AHDC1: variants seen among roughly 807,000 people sequenced by gnomAD.
AHDC1 encodes transcription factor Gibbin.
In AHDC1, 7 loss-of-function variants were observed where a neutral mutation model predicts 87.9. The observed-to-expected ratio is 0.08, with a 90% CI of 0.05 to 0.15. AHDC1 has a LOEUF of 0.15. AHDC1 is among the 10% of genes least tolerant of loss of function. AHDC1 has a pLI of 1.00. For synonymous variants in AHDC1, 1,051 were observed against 1,006.8 expected (o/e 1.04, Z -0.83); for missense variants, 1,841 against 2,253.2 (o/e 0.82, Z 3.70).
Position 27,549,724 on chromosome 1 carries a change from C to T in AHDC1, c.2392G>A (p.Ala798Thr). 6.2e-7 allele frequency: 1 copy of T among 1,612,898 alleles called. No homozygotes were observed. Among genetic ancestry groups the T allele is most frequent in the Non-Finnish European group, 8.5e-7 (1 of 1,179,970 alleles). Residue 798 changes from alanine (A) to threonine (T), a missense_variant, in exon 8 of 9, where the codon GCC (alanine) becomes ACC (threonine). Coordinates refer to ENST00000673934, the MANE Select transcript of AHDC1 (RefSeq NM_001371928.1). ...AGCCCAGTGGAGGCAAAGGCCCGGG[C>T]CTCGGTCCCCTGAAACCCACAGTTT... ...GRNCGFQGTE[A>T]RAFASTGLES...
At chr1:27,569,682 G>A (rs894800294) in intron 3 of AHDC1, among the ~76,000 whole-genome samples, 3 of 152,104 alleles carry the variant, frequency 2.0e-5, no homozygotes, top group East Asian at 1.9e-4. Flanking sequence ...ATGGGGCAGC[G>A]TGACAGCAGG....
At chr1:27,570,764 A>T (rs1025824878) in intron 3 of AHDC1, among the ~76,000 whole-genome samples, 1 of 152,200 alleles carries the variant, frequency 6.6e-6, no homozygotes, top group Non-Finnish European at 1.5e-5. Context: ...TGAGGCCTAG[A>T]GGAATGAGGA....
chr1:27,603,143 A>ACC (rs1156376060), intron 3 of AHDC1, among the ~76,000 whole-genome samples: 1 of 110,424 alleles, frequency 9.1e-6, no homozygotes, highest in Non-Finnish European at 2.0e-5. Context: ...AAACCCGAGA[A>ACC]CCCCCCCTCC....
At chr1:27,538,494 G>A (rs1301253271) in intron 8 of AHDC1, among the ~76,000 whole-genome samples, 1 of 150,520 alleles carries the variant, frequency 6.6e-6, no homozygotes, top group Non-Finnish European at 1.5e-5. Flanking sequence ...TTCCCTCTCT[G>A]GGCTTCAGGT....
At position 27,562,446 on chromosome 1, in the gene AHDC1, G is replaced by T. The variant is rs1411429825; in HGVS notation, c.-628-3563C>A. Among the ~76,000 whole-genome samples the T allele has an allele frequency of 3.3e-5, 5 of 152,118 alleles. No individual in the cohort carries two copies. Among genetic ancestry groups the T allele is most frequent in the Non-Finnish European group, 7.4e-5 (5 of 68,002 alleles). Reference sequence around the variant, plus strand: ...AGGGGCAGGAGAGGCAGGAAATAGGGTCCCCAGGCCCTCAGGGACACAGCC... The same window carrying T: ...AGGGGCAGGAGAGGCAGGAAATAGGTTCCCCAGGCCCTCAGGGACACAGCC... On this transcript the variant is annotated intron_variant, in intron 3 of 8. Transcript: ENST00000673934. This position sits in a 1 kb window ranked among gnomAD's most constrained non-coding sequence, Gnocchi z 4.4.
At position 27,595,801 on chromosome 1, in the gene AHDC1, G is replaced by A. The variant is rs2089354396; in HGVS notation, c.-629+7596C>T. Among the ~76,000 whole-genome samples, 1 of 151,938 alleles carries A rather than the reference G, an allele frequency of 6.6e-6. No homozygotes were observed. Among genetic ancestry groups the A allele is most frequent in the African/African-American group, 2.4e-5 (1 of 41,302 alleles). On this transcript the variant is annotated intron_variant, in intron 3 of 8. Coordinates refer to ENST00000673934, the MANE Select transcript of AHDC1 (RefSeq NM_001371928.1). The surrounding 1 kb of genome is among the most constrained non-coding windows in gnomAD (Gnocchi z 4.0). ...GCTGTAACCAGGTTCCTGGTGTCAG[G>A]GAGGTGTTGCAGGTTGTGGGTAAGC...
intron 3 of AHDC1, among the ~76,000 whole-genome samples, chr1:27,583,446 G>A (rs2088964068): frequency 6.6e-6 from 1 of 152,206 alleles, no homozygotes; most frequent in Non-Finnish European, 1.5e-5. Flanking sequence ...TCCCTTCCCT[G>A]AGCTCATGTC....
In AHDC1 at chr1:27,551,582, A is replaced by G; in HGVS notation, c.534T>C (p.Arg178=). ...GTGGGGTGGCCCGCTCCTCAGGGCT[A>G]CGGATGCTGTTGGCCAAACTGGGTG... ...FSSPSLANSI[R]SPEERATPHA... The change falls in exon 8 of 9, where the codon CGT becomes CGC. Residue 178 remains arginine (R), a synonymous_variant. Coordinates refer to ENST00000673934, the MANE Select transcript of AHDC1 (RefSeq NM_001371928.1). The G allele has an allele frequency of 6.2e-7, 1 of 1,611,016 alleles. No individual in the cohort carries two copies. The highest frequency in any genetic ancestry group is 8.5e-7 in the Non-Finnish European group (1 of 1,177,798).
rs760926906 is a variant in AHDC1 at position 27,548,028 on chromosome 1, A to G, written c.4088T>C (p.Phe1363Ser). 2 of 1,611,470 alleles carry G rather than the reference A, an allele frequency of 1.2e-6. No individual in the cohort carries two copies. Among genetic ancestry groups the G allele is most frequent in the Admixed American group, 1.7e-5 (1 of 59,998 alleles). The change falls in exon 8 of 9, where the codon TTC (phenylalanine) becomes TCC (serine). Residue 1363 changes from phenylalanine (F) to serine (S), a missense_variant. This residue lies in a region of AHDC1 where 505 missense variants were observed against 626.2 expected (regional missense o/e 0.81). Coordinates refer to ENST00000673934, the MANE Select transcript of AHDC1 (RefSeq NM_001371928.1). ...ACCCAGGCTGGGCGAGTCGCAGTGGAAGCCTTGGCCAAAGGTGCCATCGGA... is the reference window on the plus strand; with the variant it reads ...ACCCAGGCTGGGCGAGTCGCAGTGGGAGCCTTGGCCAAAGGTGCCATCGGA... ...TPSDGTFGQG[F>S]HCDSPSLGAP... is the part of the protein sequence containing the mutation.
intron 8 of AHDC1, among the ~76,000 whole-genome samples, chr1:27,537,513 A>T (rs2018698225): frequency 6.6e-6 from 1 of 152,040 alleles, no homozygotes; most frequent in Non-Finnish European, 1.5e-5. Flanking sequence ...CAGAGCGGGG[A>T]CTGACCTGAG....
At chr1:27,603,065 G>C (rs889559108) in intron 3 of AHDC1, among the ~76,000 whole-genome samples, 1 of 150,300 alleles carries the variant, frequency 6.7e-6, no homozygotes, top group Non-Finnish European at 1.5e-5. Flanking sequence ...GGGGAAGGAG[G>C]AGGGGGCGCG....
chr1:27,579,227 G>T lies in AHDC1; in HGVS notation c.-628-20344C>A, dbSNP rs530201454. ...CTTTTTAACGTTTTTGTAGAGACAG[G>T]GCCTCACTACGTTGCCCAGGCTGGT... On this transcript the variant is annotated intron_variant, in intron 3 of 8. Coordinates refer to ENST00000673934, the MANE Select transcript of AHDC1 (RefSeq NM_001371928.1). Among the ~76,000 whole-genome samples the T allele has an allele frequency of 3.9e-5, 6 of 151,982 alleles. No homozygotes were observed. The South Asian group carries it at 1.3e-3, about 32-fold the overall frequency.
At chr1:27,541,019 A>C (rs1436086389) in intron 8 of AHDC1, among the ~76,000 whole-genome samples, 3 of 150,660 alleles carry the variant, frequency 2.0e-5, no homozygotes, top group East Asian at 1.9e-4. Flanking sequence ...AAAAAAAAAA[A>C]AAAAAAACAA....
chr1:27,558,809 G>A lies in AHDC1; in HGVS notation c.-554C>T, dbSNP rs1557676217. The A allele has an allele frequency of 5.0e-6, 2 of 398,656 alleles. No individual in the cohort carries two copies. Among genetic ancestry groups the A allele is most frequent in the Admixed American group, 4.4e-5 (1 of 22,738 alleles). 24.7% of individuals were successfully genotyped at this position (398,656 alleles called of 1,614,324 possible). On this transcript the variant is annotated 5_prime_UTR_variant, in exon 4 of 9. Coordinates refer to ENST00000673934, the MANE Select transcript of AHDC1 (RefSeq NM_001371928.1). The surrounding 1 kb of genome is among the most constrained non-coding windows in gnomAD (Gnocchi z 5.6). ...CGGCCTGAGCGTCGCCCCGCACTCG[G>A]GGCCCTCTGCACACGCTCAACTGGG...
rs781614773 is a variant in AHDC1, at chr1:27,550,866, G to A, written c.1250C>T (p.Pro417Leu). The part of the protein sequence containing the change: ...AGPEGRLLPL[P>L]MPTGLVAALA... ...GGCAGCCACCAGCCCCGTGGGCATAGGCAGGGGCAGTAGGCGGCCCTCGGG... is the reference window on the plus strand; with the variant it reads ...GGCAGCCACCAGCCCCGTGGGCATAAGCAGGGGCAGTAGGCGGCCCTCGGG... Residue 417 changes from proline to leucine, a missense_variant, in exon 8 of 9, where the codon CCT becomes CTT. Coordinates refer to ENST00000673934, the MANE Select transcript of AHDC1 (RefSeq NM_001371928.1). 6.3e-7 allele frequency: 1 copy of A among 1,581,352 alleles called. No individual in the cohort carries two copies. The highest frequency in any genetic ancestry group is 1.8e-5 in the Admixed American group (1 of 56,844).
At chr1:27,596,554 C>T (rs1318744010) in intron 3 of AHDC1, among the ~76,000 whole-genome samples, 1 of 151,978 alleles carries the variant, frequency 6.6e-6, no homozygotes, top group East Asian at 1.9e-4. Context: ...TCAGGTAGCA[C>T]TCAGGCCTTG....
chr1:27,579,622 A>G (rs1445291124), intron 3 of AHDC1, among the ~76,000 whole-genome samples: 1 of 151,978 alleles, frequency 6.6e-6, no homozygotes, highest in Non-Finnish European at 1.5e-5. Context: ...AAATCTACAC[A>G]CCCCTCAGGA....
In AHDC1 at chr1:27,590,892, AC is replaced by A. The variant is rs1317016068; in HGVS notation, c.-629+12504del. ...GGGAACAGGCAGGTGGGCTCCCTCA[AC>A]CCCCAGCACCTTGGATGAGCAGTTG... is the stretch of plus-strand genomic sequence containing the variant. On this transcript the variant is annotated intron_variant, in intron 3 of 8. Coordinates refer to ENST00000673934, the MANE Select transcript of AHDC1 (RefSeq NM_001371928.1). The surrounding 1 kb of genome is among the most constrained non-coding windows in gnomAD (Gnocchi z 5.4). Among the ~76,000 whole-genome samples, 1 of 152,046 alleles carries A rather than the reference AC, an allele frequency of 6.6e-6. No individual in the cohort carries two copies. The highest frequency in any genetic ancestry group is 1.5e-5 in the Non-Finnish European group (1 of 67,964).
Position 27,563,799 on chromosome 1 carries a change from C to G in AHDC1, c.-628-4916G>C, listed in dbSNP as rs1356874041. 6.6e-6 allele frequency among the ~76,000 whole-genome samples: 1 copy of G among 152,026 alleles called. No homozygotes were observed. The highest frequency in any genetic ancestry group is 1.9e-4 in the East Asian group (1 of 5,176). ...TGGCGGGTGCTGGGGGAGAGGAGTG[C>G]TGGGGAGGAAGCTGCCTGGACACAC... On this transcript the variant is annotated intron_variant, in intron 3 of 8. Transcript: ENST00000673934. This position sits in a 1 kb window ranked among gnomAD's most constrained non-coding sequence, Gnocchi z 6.1.
Sources: allele counts gnomAD v4.1 joint callset (sites outside exome capture counted in the v4.1 genomes callset), GRCh38; gene constraint gnomAD v4.1.1; regional missense constraint gnomAD v4.1.1; non-coding constraint Gnocchi (gnomAD v3.1); transcripts MANE v1.5; gene names NCBI Gene and HGNC (gene_info 2026-07-23, HGNC 2026-07-21).